The following TXNDC8 variants were observed in gnomAD, a reference collection of about 807,000 sequenced individuals.
TXNDC8 encodes thioredoxin domain containing 8.
Under a neutral mutation model 12.9 loss-of-function variants are expected in TXNDC8, and 15 were observed. The ratio of observed to expected loss-of-function variants is 1.16; its 90% confidence interval spans 0.78 to 1.79. The LOEUF is 1.79. Among genes scored for constraint, TXNDC8 ranks in the 40% most tolerant of loss-of-function variants. The pLI is 0.00. For missense variants in TXNDC8, 128 were observed against 113.2 expected, an observed-to-expected ratio of 1.13 and a Z score of -0.59; for synonymous variants, 40 against 35.4, an observed-to-expected ratio of 1.13 and a Z score of -0.46.
At chr9:110,305,653 CTTCT>C (rs10583404) in intron 3 of TXNDC8, among the ~76,000 whole-genome samples, 18,490 of 92,006 alleles carry the variant, frequency 0.2, 2,325 homozygotes, top group East Asian at 0.49. Context: ...TTTCTATTTT[CTTCT>C]TTCTTTCTTT....
intron 2 of TXNDC8, among the ~76,000 whole-genome samples, chr9:110,329,814 G>A (rs1172021199): frequency 6.6e-6 from 1 of 152,096 alleles, no homozygotes; most frequent in Non-Finnish European, 1.5e-5. Context: ...TTGCACTCCT[G>A]TTGCCGTCTC....
chr9:110,315,411 T>C (rs1838846266), intron 3 of TXNDC8, among the ~76,000 whole-genome samples: 1 of 152,162 alleles, frequency 6.6e-6, no homozygotes, highest in Non-Finnish European at 1.5e-5. Flanking sequence ...GGCAATTTTT[T>C]TTAATGCCAA....
chr9:110,330,419 T>C (rs1290921087), intron 2 of TXNDC8, among the ~76,000 whole-genome samples: 1 of 152,260 alleles, frequency 6.6e-6, no homozygotes, highest in Non-Finnish European at 1.5e-5. Context: ...CACAGCAGTT[T>C]GTTAAGTTAT....
At chr9:110,310,791 A>C (rs140469368) in intron 3 of TXNDC8, among the ~76,000 whole-genome samples, 3,851 of 152,338 alleles carry the variant, frequency 0.025, 148 homozygotes, top group African/African-American at 0.087. Context: ...AAGCAATTTC[A>C]TACTTATCCC....
intron 3 of TXNDC8, chr9:110,322,676 TATC>T: frequency 2.0e-6 from 2 of 985,416 alleles, no homozygotes; most frequent in Non-Finnish European, 2.4e-6. Context: ...TACCAAACAA[TATC>T]AGCAGCAGCA....
chr9:110,305,788 CTTTCT>C (rs201046810), intron 3 of TXNDC8, among the ~76,000 whole-genome samples: 24,207 of 89,588 alleles, frequency 0.27, 2,517 homozygotes, highest in South Asian at 0.3. Flanking sequence ...CTTTTCTTTT[CTTTCT>C]TTTCTTTTCT....
At chr9:110,321,733 A>G (rs115944356) in intron 3 of TXNDC8, among the ~76,000 whole-genome samples, 30,925 of 151,552 alleles carry the variant, frequency 0.2, 3,510 homozygotes, top group East Asian at 0.46. Context: ...TGAAAAAAAA[A>G]AAAAAAGGAA....
chr9:110,326,309 T>C, intron 2 of TXNDC8, 69 bp from the exon 4 acceptor site: 1 of 1,557,510 alleles, frequency 6.4e-7, no homozygotes. Context: ...GCATGTTATT[T>C]GGTAACTTTT....
At position 110,315,233 on chromosome 9, in the gene TXNDC8, G is replaced by A. The variant is rs1385948522; in HGVS notation, c.196-10701C>T. Among the ~76,000 whole-genome samples, 6 of 152,024 alleles carry A rather than the reference G, an allele frequency of 3.9e-5. No individual in the cohort carries two copies. In the South Asian group the frequency reaches 1.2e-3, roughly 32 times the overall value. On this transcript the variant is annotated intron_variant, in intron 3 of 4. Transcript: ENST00000423740. ...TTGCCTCAGCCTCCCGAGTAGCTGGGATTACAAGCACCCGCCACCACACCC... is the reference window on the plus strand; with the variant it reads ...TTGCCTCAGCCTCCCGAGTAGCTGGAATTACAAGCACCCGCCACCACACCC...
intron 3 of TXNDC8, chr9:110,322,473 G>T (rs1434856384): frequency 4.1e-6 from 4 of 985,280 alleles, no homozygotes; most frequent in African/African-American, 3.5e-5. Flanking sequence ...AGATATAATT[G>T]TTTATAAATG....
At chr9:110,330,529 T>C (rs922424737) in intron 2 of TXNDC8, among the ~76,000 whole-genome samples, 1 of 152,220 alleles carries the variant, frequency 6.6e-6, no homozygotes, top group African/African-American at 2.4e-5. Context: ...GACTACATAT[T>C]GCCTTCCCCC....
intron 3 of TXNDC8, among the ~76,000 whole-genome samples, chr9:110,311,835 A>G (rs1339400901): frequency 6.8e-6 from 1 of 146,210 alleles, no homozygotes; most frequent in Non-Finnish European, 1.5e-5. Flanking sequence ...TATACTATAT[A>G]TATACTATAT....
chr9:110,305,793 T>C lies in TXNDC8; in HGVS notation c.196-1261A>G, dbSNP rs201327479. ...CTTTTCTTTTCTTTTCTTTTCTTTC[T>C]TTTCTTTTCTTTTCTTTCCTTTCCT... On this transcript the variant is annotated intron_variant, in intron 3 of 4. Coordinates refer to ENST00000423740, the MANE Select transcript of TXNDC8 (RefSeq NM_001286946.2). Among the ~76,000 whole-genome samples, 279 of 60,294 alleles carry C rather than the reference T, an allele frequency of 4.6e-3. 5 individuals are homozygous for C. The highest frequency in any genetic ancestry group is 0.014 in the African/African-American group (239 of 16,710). The allele number at this position is 60,294 out of a possible 152,430, so 39.6% of individuals were successfully genotyped here. A position where few individuals can be genotyped will look rare whatever the true frequency, so the allele number is the denominator to read the frequency against.
rs541675418 is a variant in TXNDC8, at chr9:110,325,596, C to T, written c.195+579G>A. On this transcript the variant is annotated intron_variant, in intron 3 of 4. Transcript: ENST00000423740. The stretch of plus-strand genomic sequence containing the variant: ...AGTGCAGTGGCGCGATCTTGGCTCA[C>T]TGCAAGCTCCGCGTCCTGGGTTCAT... Among the ~76,000 whole-genome samples, 66 of 150,092 alleles carry T rather than the reference C, an allele frequency of 4.4e-4. 3 individuals are homozygous for T. The South Asian group carries it at 7.1e-3, about 16-fold the overall frequency.
chr9:110,313,101 T>C (rs10046885), intron 3 of TXNDC8, among the ~76,000 whole-genome samples: 3,272 of 152,276 alleles, frequency 0.021, 134 homozygotes, highest in African/African-American at 0.075. Context: ...AGACAGGGTT[T>C]CAACATGTTG....
At chr9:110,336,566 A>G (rs539378796) in intron 1 of TXNDC8, among the ~76,000 whole-genome samples, 17 of 152,274 alleles carry the variant, frequency 1.1e-4, no homozygotes, top group Admixed American at 5.9e-4. Flanking sequence ...TATTTATTTA[A>G]CATATGCGTA....
At chr9:110,323,962 G>A (rs1839209929) in intron 3 of TXNDC8, 1 of 1,550,784 alleles carries the variant, frequency 6.4e-7, no homozygotes, top group South Asian at 1.2e-5. Flanking sequence ...TTCTGATGGG[G>A]ATGGAGTTCA....
At chr9:110,313,508 C>A (rs1449427494) in intron 3 of TXNDC8, among the ~76,000 whole-genome samples, 2 of 152,052 alleles carry the variant, frequency 1.3e-5, no homozygotes, top group Non-Finnish European at 2.9e-5. Context: ...TGAGACCAGC[C>A]TGGCCAACGT....
intron 1 of TXNDC8, among the ~76,000 whole-genome samples, chr9:110,334,748 G>A (rs1301370296): frequency 6.6e-6 from 1 of 152,196 alleles, no homozygotes; most frequent in South Asian, 2.1e-4. Context: ...AGGGATGGGG[G>A]CTGGAGGGTG....
Sources: allele counts gnomAD v4.1 joint callset (sites outside exome capture counted in the v4.1 genomes callset), GRCh38; gene constraint gnomAD v4.1.1; transcripts MANE v1.5; gene names NCBI Gene and HGNC (gene_info 2026-07-23, HGNC 2026-07-21).